FNBP4: variants seen among roughly 807,000 people sequenced by gnomAD.
FNBP4 encodes formin-binding protein 4.
In FNBP4, 34 loss-of-function variants were observed where a neutral mutation model predicts 119.3. That is an observed-to-expected ratio of 0.28 (90% confidence interval 0.22 to 0.38). The LOEUF (loss-of-function observed/expected upper bound fraction) is 0.38. FNBP4 is among the 10% of genes least tolerant of loss of function. The pLI is 1.00. For synonymous variants in FNBP4, 462 were observed against 430.6 expected (o/e 1.07, Z -0.90); for missense variants, 1,112 against 1,228.9 (o/e 0.90, Z 1.42).
rs2097568855 is a variant in FNBP4, at chr11:47,732,692, G to A, written c.1687-22C>T. 4 of 1,610,078 alleles carry A rather than the reference G, an allele frequency of 2.5e-6. No homozygotes were observed. The highest frequency in any genetic ancestry group is 3.4e-6 in the Non-Finnish European group (4 of 1,176,330). On this transcript the variant is annotated intron_variant, in intron 10 of 16. Transcript: ENST00000263773. This position sits in a 1 kb window ranked among gnomAD's most constrained non-coding sequence, Gnocchi z 4.2. Reference sequence around the variant, plus strand: ...GAGTCTAGAATAAACAGACAAATAAGTTAAAGACTTATTATTACATGTCAG... The same window carrying A: ...GAGTCTAGAATAAACAGACAAATAAATTAAAGACTTATTATTACATGTCAG...
In FNBP4 at chr11:47,736,627, G is replaced by A; in HGVS notation, c.1570C>T (p.Gln524Ter). Residue 524 changes from glutamine (Q) to a stop codon, truncating the protein, a stop_gained, in exon 9 of 17, where the codon CAG (glutamine) becomes TAG (stop). Transcript: ENST00000263773. LOFTEE classifies it high-confidence loss of function. ...AGTAATATACATACTTTCAAATCCT[G>A]TTCTTCTTCTACTTTTGGTGTTGTC... is the stretch of plus-strand genomic sequence containing the variant. The part of the protein sequence containing the change: ...VQTTPKVEEE[Q>*]DLKFQIGELA... 6.3e-7 allele frequency: 1 copy of A among 1,593,296 alleles called. No homozygotes were observed. Among genetic ancestry groups the A allele is most frequent in the East Asian group, 2.2e-5 (1 of 44,668 alleles).
intron 12 of FNBP4, chr11:47,725,906 T>A: frequency 2.0e-6 from 1 of 502,588 alleles, no homozygotes; most frequent in Non-Finnish European, 2.6e-6. Context: ...CAGTTAAAGG[T>A]AATGAAACCC....
intron 2 of FNBP4, among the ~76,000 whole-genome samples, chr11:47,760,698 T>G (rs1398709692): frequency 6.6e-6 from 1 of 152,124 alleles, no homozygotes. Flanking sequence ...GCTCCCAAAG[T>G]GCTGGGATCA....
intron 2 of FNBP4, among the ~76,000 whole-genome samples, chr11:47,756,917 G>A (rs1387777269): frequency 6.6e-6 from 1 of 152,126 alleles, no homozygotes; most frequent in Non-Finnish European, 1.5e-5. Flanking sequence ...GTGTATATGT[G>A]CCACATTTTC....
In FNBP4 at chr11:47,734,066, G is replaced by A; in HGVS notation, c.1645C>T (p.Gln549Ter). The A allele has an allele frequency of 6.3e-7, 1 of 1,575,126 alleles. No individual in the cohort carries two copies. The highest frequency in any genetic ancestry group is 8.6e-7 in the Non-Finnish European group (1 of 1,160,782). The change falls in exon 10 of 17, where the codon CAA (glutamine) becomes TAA (stop). Residue 549 changes from glutamine (Q) to a stop codon, truncating the protein, a stop_gained. Transcript: ENST00000263773. LOFTEE classifies it high-confidence loss of function. Reference protein sequence around the residue: ...SKFEFLGINRQSISNFHVLLL... With the variant: ...SKFEFLGINR ...AGCACATGAAAGTTGGAGATGGATT[G>A]TCTATTAATGCCTAGAAACTCGAAT...
chr11:47,720,344 G>A (rs1343974290), intron 15 of FNBP4, among the ~76,000 whole-genome samples: 5 of 152,030 alleles, frequency 3.3e-5, no homozygotes, highest in Non-Finnish European at 5.9e-5. Context: ...TGAGGCGGGC[G>A]GATCACAAGG....
intron 15 of FNBP4, among the ~76,000 whole-genome samples, chr11:47,722,693 C>T (rs980566414): frequency 3.9e-5 from 6 of 152,032 alleles, no homozygotes; most frequent in Non-Finnish European, 5.9e-5. Context: ...TGGGTTCAAG[C>T]GATTCTCCTG....
chr11:47,721,383 G>C (rs1014493152), intron 15 of FNBP4, among the ~76,000 whole-genome samples: 40 of 152,124 alleles, frequency 2.6e-4, no homozygotes, highest in African/African-American at 9.7e-4. Flanking sequence ...CTTGAGGCCA[G>C]GAGTTTGAGA....
chr11:47,718,251 T>C (rs889128645), intron 16 of FNBP4, among the ~76,000 whole-genome samples: 1 of 152,024 alleles, frequency 6.6e-6, no homozygotes, highest in African/African-American at 2.4e-5. Context: ...TCTTGCTCTG[T>C]TGCCCAGACT....
intron 15 of FNBP4, among the ~76,000 whole-genome samples, chr11:47,721,123 C>G (rs1388599143): frequency 1.3e-5 from 2 of 151,156 alleles, no homozygotes; most frequent in African/African-American, 4.9e-5. Context: ...TGATCGAGAC[C>G]ATCCTAGCTA....
At position 47,765,369 on chromosome 11, in the gene FNBP4, T is replaced by TAAAAA. The variant is rs747557812; in HGVS notation, c.221-12_221-8dup. On this transcript the variant is annotated splice_region_variant and splice_polypyrimidine_tract_variant and intron_variant, in intron 1 of 16. Coordinates refer to ENST00000263773, the MANE Select transcript of FNBP4 (RefSeq NM_015308.5). ...TGCACCGCTTCCTGTTCATCTGGAT[T>TAAAAA]AAAAAAAAAGAAAAGAAAAGAAAAG... 2 of 1,204,634 alleles carry TAAAAA rather than the reference T, an allele frequency of 1.7e-6. No individual in the cohort carries two copies. Among genetic ancestry groups the TAAAAA allele is most frequent in the Non-Finnish European group, 1.1e-6 (1 of 895,334 alleles). The allele number at this position is 1,204,634 out of a possible 1,614,324, so 74.6% of individuals were successfully genotyped here.
intron 8 of FNBP4, 52 bp downstream of exon 8, chr11:47,743,901 C>A: frequency 6.8e-7 from 1 of 1,461,594 alleles, no homozygotes; most frequent in Middle Eastern, 2.3e-4. Context: ...ACAAGAGTTT[C>A]CTTCCCCTCT....
intron 2 of FNBP4, 117 bp from the exon 3 acceptor site, chr11:47,754,781 C>G: frequency 9.5e-7 from 1 of 1,049,288 alleles, no homozygotes; most frequent in South Asian, 1.6e-5. Context: ...AGAACATAAC[C>G]GCAAAACTAA....
chr11:47,749,592 G>A (rs952661025), intron 6 of FNBP4, among the ~76,000 whole-genome samples: 3 of 151,982 alleles, frequency 2.0e-5, no homozygotes. Flanking sequence ...ATATTTTGAT[G>A]CAAAAAAGTC....
intron 8 of FNBP4, among the ~76,000 whole-genome samples, chr11:47,741,781 C>G (rs879485702): frequency 6.6e-6 from 1 of 151,550 alleles, no homozygotes; most frequent in Non-Finnish European, 1.5e-5. Flanking sequence ...ATCCACTGCA[C>G]TCCAGCCTGG....
At chr11:47,734,220 A>C in intron 9 of FNBP4, 91 bp from the exon 10 acceptor site, 1 of 656,468 alleles carries the variant, frequency 1.5e-6, no homozygotes, top group Non-Finnish European at 2.4e-6. Context: ...TAGATATTAG[A>C]AATATGGGTC....
intron 2 of FNBP4, among the ~76,000 whole-genome samples, chr11:47,757,431 C>T (rs902091236): frequency 2.0e-4 from 30 of 152,036 alleles, no homozygotes; most frequent in Non-Finnish European, 4.0e-4. Context: ...CCAGGATGGT[C>T]TTGATCTCCT....
chr11:47,721,755 G>A (rs2097555886), intron 15 of FNBP4, among the ~76,000 whole-genome samples: 1 of 151,686 alleles, frequency 6.6e-6, no homozygotes, highest in South Asian at 2.1e-4. Flanking sequence ...TTCAAAAGGT[G>A]GTATTTGTAA....
intron 9 of FNBP4, among the ~76,000 whole-genome samples, chr11:47,736,260 A>AG (rs386373779): frequency 2.0e-5 from 3 of 148,120 alleles, no homozygotes; most frequent in Non-Finnish European, 4.5e-5. Context: ...AAAGAAAAAA[A>AG]AAAAAAATTT....
Sources: gnomAD v4.1 joint callset for allele counts (sites outside exome capture counted in the v4.1 genomes callset) on GRCh38, gnomAD v4.1.1 for gene constraint, Gnocchi (gnomAD v3.1) non-coding constraint, MANE v1.5 for transcripts, NCBI Gene and HGNC (gene_info 2026-07-23, HGNC 2026-07-21) for gene names.